Variants in NT5DC3 observed in about 807,000 individuals in gnomAD.
NT5DC3 encodes 5'-nucleotidase domain-containing protein 3.
NT5DC3 carries 42 observed loss-of-function variants against 67.8 expected under a neutral mutation model. That is an observed-to-expected ratio of 0.62 (90% confidence interval 0.48 to 0.80). The LOEUF is 0.80. NT5DC3 is among the 30% of genes least tolerant of loss of function. The probability of loss-of-function intolerance (pLI) is 0.00; values close to 1 mark genes in which losing one functional copy is unlikely to be tolerated. For synonymous variants in NT5DC3, 237 were observed against 255.6 expected (o/e 0.93, Z 0.69); for missense variants, 570 against 696.4 (o/e 0.82, Z 2.04).
rs74341882 is a variant in NT5DC3, at chr12:103,803,149, C to G, written c.524+3173G>C. 9.2e-5 allele frequency among the ~76,000 whole-genome samples: 14 copies of G among 152,308 alleles called. No homozygotes were observed. In the East Asian group the frequency reaches 2.7e-3, roughly 29 times the overall value. ...ACCTTGCCTTCTTCGTTCTCTCCCC[C>G]ACCCTCACCACTGCAACAATAATTC... On this transcript the variant is annotated intron_variant, in intron 4 of 13. Transcript: ENST00000392876.
chr12:103,797,046 G>A lies in NT5DC3; in HGVS notation c.616-15C>T, dbSNP rs746764829. The A allele has an allele frequency of 6.2e-7, 1 of 1,613,884 alleles. No individual in the cohort carries two copies. Among genetic ancestry groups the A allele is most frequent in the Non-Finnish European group, 8.5e-7 (1 of 1,179,970 alleles). On this transcript the variant is annotated splice_polypyrimidine_tract_variant and intron_variant, in intron 5 of 13. Transcript: ENST00000392876. ...CCATGAGAGCTCTGCAGACAGGGTG[G>A]AAGGAATGCTTTAGAAACAGGGGCC...
At chr12:103,825,080 C>G (rs1478240679) in intron 1 of NT5DC3, among the ~76,000 whole-genome samples, 2 of 152,148 alleles carry the variant, frequency 1.3e-5, no homozygotes, top group Non-Finnish European at 2.9e-5. Flanking sequence ...GGCATGCCCC[C>G]CCGGGAAGAG....
At chr12:103,831,101 C>A (rs1887905733) in intron 1 of NT5DC3, among the ~76,000 whole-genome samples, 1 of 152,178 alleles carries the variant, frequency 6.6e-6, no homozygotes, top group African/African-American at 2.4e-5. Context: ...TGTCCCCACC[C>A]AAATCTCTCC....
intron 1 of NT5DC3, among the ~76,000 whole-genome samples, chr12:103,838,563 A>C (rs528363683): frequency 3.3e-5 from 5 of 152,346 alleles, no homozygotes; most frequent in African/African-American, 1.2e-4. Flanking sequence ...CATTTGACCC[A>C]GCAATTGTAC....
intron 1 of NT5DC3, among the ~76,000 whole-genome samples, chr12:103,816,745 T>A (rs1361108619): frequency 2.0e-5 from 3 of 152,206 alleles, no homozygotes; most frequent in African/African-American, 7.2e-5. Context: ...TTATTAGAAT[T>A]ATTTCATCAT....
At chr12:103,831,829 A>G (rs561342815) in intron 1 of NT5DC3, among the ~76,000 whole-genome samples, 10 of 144,990 alleles carry the variant, frequency 6.9e-5, no homozygotes, top group African/African-American at 2.1e-4. Context: ...AGGCTGGAGT[A>G]CAGCGGTGTG....
intron 4 of NT5DC3, among the ~76,000 whole-genome samples, chr12:103,801,372 C>CTTTTTTTTTTTT (rs869237844): frequency 2.5e-5 from 2 of 78,940 alleles, no homozygotes; most frequent in African/African-American, 1.1e-4. Flanking sequence ...TTGGGGTGGG[C>CTTTTTTTTTTTT]TTTTTTTTTT....
chr12:103,840,480 G>A (rs1414328831), intron 1 of NT5DC3, among the ~76,000 whole-genome samples: 13 of 109,878 alleles, frequency 1.2e-4, no homozygotes, highest in South Asian at 3.4e-4. Context: ...CCACCAAAAG[G>A]AAAACAGACC....
In NT5DC3 at chr12:103,787,519, T is replaced by C; in HGVS notation, c.1110A>G (p.Leu370=). The C allele has an allele frequency of 1.3e-6, 2 of 1,577,842 alleles. No homozygotes were observed. Among genetic ancestry groups the C allele is most frequent in the Non-Finnish European group, 1.7e-6 (2 of 1,153,030 alleles). Residue 370 remains leucine, a synonymous_variant, in exon 11 of 14, where the codon TTA becomes TTG. Transcript: ENST00000392876. ...ATCCAGTAAGCTTCAAAAATTCATA[T>C]AAATTACCCTGTAATCAGAGAAAAC... The part of the protein sequence containing the change: ...QKGQIYKQGN[L]YEFLKLTGWR...
chr12:103,831,507 G>A (rs901260205), intron 1 of NT5DC3, among the ~76,000 whole-genome samples: 5 of 152,200 alleles, frequency 3.3e-5, no homozygotes, highest in East Asian at 3.9e-4. Context: ...ACAAGGTCAC[G>A]GGACACTTCC....
chr12:103,840,423 T>TCATCTCATCTCATC (rs1566137842), intron 1 of NT5DC3, among the ~76,000 whole-genome samples: 2 of 62,292 alleles, frequency 3.2e-5, no homozygotes, highest in Non-Finnish European at 4.2e-5. Flanking sequence ...CTCATCTCAT[T>TCATCTCATCTCATC]CCATCCCATT....
chr12:103,748,922 A>T, the NT5DC3 span: 1 of 1,583,296 alleles, frequency 6.3e-7, no homozygotes, highest in Non-Finnish European at 8.6e-7. Context: ...CTAGTTCCAC[A>T]GAAGGTGGTA....
intron 10 of NT5DC3, among the ~76,000 whole-genome samples, chr12:103,788,036 C>T (rs956319045): frequency 3.9e-5 from 6 of 152,130 alleles, no homozygotes; most frequent in Admixed American, 3.9e-4. Flanking sequence ...TATATACCCA[C>T]CAAGAATGTA....
At chr12:103,750,476 C>A in the NT5DC3 span, 2 of 1,453,376 alleles carry the variant, frequency 1.4e-6, no homozygotes, top group Non-Finnish European at 1.9e-6. Flanking sequence ...TCTCTTGGTC[C>A]ATCTGAACAC....
At chr12:103,821,778 AC>A (rs1342512327) in intron 1 of NT5DC3, 2 of 152,244 alleles carry the variant, frequency 1.3e-5, no homozygotes, top group Non-Finnish European at 2.9e-5. Flanking sequence ...TAACTTTTTA[AC>A]CTGGTATCAA....
At chr12:103,746,944 T>A in the NT5DC3 span, among the ~76,000 whole-genome samples, 2 of 124,694 alleles carry the variant, frequency 1.6e-5, no homozygotes, top group Non-Finnish European at 3.3e-5. Flanking sequence ...AGAATGTTTT[T>A]CTTTCTTTTT....
chr12:103,765,942 C>T, downstream of NT5DC3: 1 of 388,952 alleles, frequency 2.6e-6, no homozygotes, highest in South Asian at 2.1e-5. Context: ...TATTAGCCAC[C>T]TTTTGTGAGG....
intron 1 of NT5DC3, 44 bp downstream of exon 1, chr12:103,840,905 A>T (rs762089606): frequency 8.3e-7 from 1 of 1,201,734 alleles, no homozygotes; most frequent in Admixed American, 3.7e-5. Context: ...CTGAGCGCGC[A>T]GGAGGGGCCC....
intron 4 of NT5DC3, among the ~76,000 whole-genome samples, chr12:103,799,388 A>G (rs1348471881): frequency 1.3e-5 from 2 of 152,132 alleles, no homozygotes; most frequent in Non-Finnish European, 2.9e-5. Context: ...CCCCCATGCT[A>G]TTCTCATGGC....
Sources: allele counts gnomAD v4.1 joint callset (sites outside exome capture counted in the v4.1 genomes callset), GRCh38; gene constraint gnomAD v4.1.1; transcripts MANE v1.5; gene names NCBI Gene and HGNC (gene_info 2026-07-23, HGNC 2026-07-21).